Variants in ERICH1 observed in about 807,000 individuals in gnomAD.
ERICH1 encodes glutamate rich 1, also known as glutamate-rich protein 1.
Under a neutral mutation model 39.6 loss-of-function variants are expected in ERICH1, and 56 were observed. That is an observed-to-expected ratio of 1.41 (90% CI 1.14 to 1.77). The LOEUF is 1.77. Ranked by LOEUF, ERICH1 falls within the 40% of genes most tolerant of loss-of-function variation. ERICH1 has a pLI of 0.00. For synonymous variants in ERICH1, 313 were observed against 223.6 expected (o/e 1.40, Z -3.57); for missense variants, 826 against 575.4 (o/e 1.44, Z -4.45).
At chr8:658,992 C>T (rs941252941) in intron 3 of ERICH1, among the ~76,000 whole-genome samples, 19 of 150,874 alleles carry the variant, frequency 1.3e-4, no homozygotes, top group African/African-American at 4.4e-4. Context: ...CCCACATCTC[C>T]GGTGTGCACT....
intron 3 of ERICH1, among the ~76,000 whole-genome samples, chr8:638,166 C>T (rs146542074): frequency 2.0e-5 from 3 of 152,392 alleles, no homozygotes; most frequent in Non-Finnish European, 2.9e-5. Flanking sequence ...TGCAGAAGCT[C>T]CTACCACGTG....
At chr8:653,264 GAGA>G (rs1800202309) in intron 3 of ERICH1, among the ~76,000 whole-genome samples, 1 of 152,356 alleles carries the variant, frequency 6.6e-6, no homozygotes, top group South Asian at 2.1e-4. Context: ...AATGTGGCCT[GAGA>G]AGAATGCCAG....
intron 4 of ERICH1, 108 bp downstream of exon 4, chr8:673,181 A>C: frequency 7.7e-7 from 1 of 1,305,890 alleles, no homozygotes; most frequent in Non-Finnish European, 1.0e-6. Flanking sequence ...ATTATTTTAC[A>C]TTGAATATTT....
In ERICH1 at chr8:708,681, G is replaced by GTTTTTTTTTTTTTTTTTTTTTTTTTTT. The variant is rs139731216; in HGVS notation, c.169+7153_169+7179dup. Among the ~76,000 whole-genome samples, 10 of 65,806 alleles carry GTTTTTTTTTTTTTTTTTTTTTTTTTTT rather than the reference G, an allele frequency of 1.5e-4. 1 individual carries two copies. Among genetic ancestry groups the GTTTTTTTTTTTTTTTTTTTTTTTTTTT allele is most frequent in the Admixed American group, 5.8e-4 (3 of 5,188 alleles). 43.2% of individuals were successfully genotyped at this position (65,806 alleles called of 152,430 possible). A position where few individuals can be genotyped will look rare whatever the true frequency, so the allele number is the denominator to read the frequency against. ...GGGCTGAGTGGTTACGGGATAATGA[G>GTTTTTTTTTTTTTTTTTTTTTTTTTTT]TTTTTTTTTTTTTTTTTTTTTTTTT... is the stretch of plus-strand genomic sequence containing the variant. On this transcript the variant is annotated intron_variant, in intron 2 of 5. Transcript: ENST00000262109.
chr8:723,980 C>T (rs190002928), intron 1 of ERICH1, among the ~76,000 whole-genome samples: 1 of 152,218 alleles, frequency 6.6e-6, no homozygotes, highest in Admixed American at 6.5e-5. Context: ...AGTTTCGTAA[C>T]AGAATGACAA....
chr8:653,374 G>C (rs1232382460), intron 3 of ERICH1, among the ~76,000 whole-genome samples: 1 of 152,226 alleles, frequency 6.6e-6, no homozygotes, highest in Admixed American at 6.5e-5. Flanking sequence ...TGTAATAGTG[G>C]CCGAGTCTTG....
chr8:716,039 G>A (rs201352077), intron 1 of ERICH1, 32 bp from the exon 2 acceptor site: 227 of 1,567,448 alleles, frequency 1.4e-4, no homozygotes, highest in Non-Finnish European at 1.8e-4. Context: ...AGAAAAGGAG[G>A]AAAAGGAATG....
chr8:706,225 T>C (rs11777366), intron 2 of ERICH1, among the ~76,000 whole-genome samples: 31,494 of 152,138 alleles, frequency 0.21, 3,572 homozygotes, highest in East Asian at 0.43. Context: ...TGACTGTACA[T>C]AGAAAATCTA....
intron 1 of ERICH1, among the ~76,000 whole-genome samples, chr8:719,304 T>C (rs1297973754): frequency 6.6e-6 from 1 of 152,218 alleles, no homozygotes; most frequent in Non-Finnish European, 1.5e-5. Flanking sequence ...TGCCTCACTT[T>C]TCTCCCATTT....
intron 3 of ERICH1, among the ~76,000 whole-genome samples, chr8:622,594 A>G (rs1017317847): frequency 6.6e-6 from 1 of 152,152 alleles, no homozygotes; most frequent in African/African-American, 2.4e-5. Context: ...GTATTTTGAT[A>G]TCACAGTCCA....
rs139436749 is a variant in ERICH1, at chr8:620,947, A to G, written c.977-5663T>C. Among the ~76,000 whole-genome samples the G allele has an allele frequency of 1.9e-3, 291 of 152,352 alleles. 1 individual carries two copies. The highest frequency in any genetic ancestry group is 6.2e-3 in the African/African-American group (258 of 41,584). On this transcript the variant is annotated intron_variant, in intron 3 of 3. Coordinates refer to the ERICH1 transcript ENST00000522706. ...TTAACCAGCATCTACAGAACACTTCACCAAAAACAGCAGAATACATATTCT... is the reference window on the plus strand; with the variant it reads ...TTAACCAGCATCTACAGAACACTTCGCCAAAAACAGCAGAATACATATTCT...
chr8:717,012 G>C (rs1344920935), intron 1 of ERICH1, among the ~76,000 whole-genome samples: 1 of 152,192 alleles, frequency 6.6e-6, no homozygotes, highest in African/African-American at 2.4e-5. Context: ...ACGCTCACCA[G>C]AGCTCCCCGT....
chr8:730,514 G>C (rs145235682), intron 1 of ERICH1, among the ~76,000 whole-genome samples: 92 of 152,346 alleles, frequency 6.0e-4, no homozygotes, highest in African/African-American at 2.0e-3. Flanking sequence ...ATGAGCTGGG[G>C]TTTGCAGGAA....
intron 2 of ERICH1, among the ~76,000 whole-genome samples, chr8:699,166 T>C (rs1280718940): frequency 1.3e-5 from 2 of 152,120 alleles, no homozygotes; most frequent in Non-Finnish European, 2.9e-5. Flanking sequence ...CCCGTGCATT[T>C]GGCTCCATTC....
At chr8:662,126 A>G (rs1259866522), downstream of ERICH1, among the ~76,000 whole-genome samples, 1 of 151,992 alleles carries the variant, frequency 6.6e-6, no homozygotes, top group African/African-American at 2.4e-5. Flanking sequence ...AACCCAGGAA[A>G]TGGCCACATG....
intron 3 of ERICH1, among the ~76,000 whole-genome samples, chr8:627,970 C>G (rs936204916): frequency 2.6e-4 from 40 of 152,310 alleles, no homozygotes; most frequent in African/African-American, 9.4e-4. Context: ...GCTGAGACCA[C>G]AGTGCCGGAC....
intron 3 of ERICH1, chr8:686,598 G>C (rs1179402989): frequency 6.6e-6 from 1 of 152,260 alleles, no homozygotes; most frequent in East Asian, 1.9e-4. Flanking sequence ...AAGAATCCAG[G>C]AGATGCCAAA....
At chr8:622,505 T>A (rs1437998434) in intron 3 of ERICH1, among the ~76,000 whole-genome samples, 2 of 152,190 alleles carry the variant, frequency 1.3e-5, no homozygotes, top group African/African-American at 4.8e-5. Flanking sequence ...CTAAATCTGG[T>A]GGTGACGTGA....
rs192539928 is a variant in ERICH1, at chr8:703,215, G to A, written c.170-10603C>T. Among the ~76,000 whole-genome samples, 164 of 152,272 alleles carry A rather than the reference G, an allele frequency of 1.1e-3. 1 individual carries two copies. Among genetic ancestry groups the A allele is most frequent in the African/African-American group, 3.8e-3 (157 of 41,544 alleles). On this transcript the variant is annotated intron_variant, in intron 2 of 5. Transcript: ENST00000262109. ...AATGAACCCATCCTATCTGTTAATG[G>A]CACGTCAGTAAGATACAGATGAAGG...
Sources: allele counts gnomAD v4.1 joint callset (sites outside exome capture counted in the v4.1 genomes callset), GRCh38; gene constraint gnomAD v4.1.1; transcripts MANE v1.5; gene names NCBI Gene and HGNC (gene_info 2026-07-23, HGNC 2026-07-21).